Variants in SMAD5 observed in about 807,000 individuals in gnomAD.
The protein encoded by SMAD5 is MAD, mothers against decapentaplegic homolog 5.
SMAD5 carries 9 observed loss-of-function variants against 43.1 expected under a neutral mutation model. That is an observed-to-expected ratio of 0.21 (90% CI 0.13 to 0.36). SMAD5 has a LOEUF of 0.36. SMAD5 is among the 10% of genes least tolerant of loss of function. SMAD5 has a pLI of 1.00. For missense variants in SMAD5, 348 were observed against 574.0 expected, an observed-to-expected ratio of 0.61 and a Z score of 4.02; for synonymous variants, 190 against 192.4, an observed-to-expected ratio of 0.99 and a Z score of 0.10.
chr5:136,150,666 G>A (rs1753425362), intron 2 of SMAD5, among the ~76,000 whole-genome samples: 1 of 151,968 alleles, frequency 6.6e-6, no homozygotes, highest in South Asian at 2.1e-4. Flanking sequence ...GGGCAGAGGG[G>A]CAGGGATTTG....
chr5:136,170,908 A>G (rs1301463041), intron 5 of SMAD5, among the ~76,000 whole-genome samples: 1 of 152,118 alleles, frequency 6.6e-6, no homozygotes, highest in Non-Finnish European at 1.5e-5. Flanking sequence ...ACTTTTGCTT[A>G]TTAACCTTGT....
rs1160870465 is a variant in SMAD5 at position 136,177,588 on chromosome 5, A to AT, written c.*115dup. 2 of 783,384 alleles carry AT rather than the reference A, an allele frequency of 2.6e-6. No individual in the cohort carries two copies. The highest frequency in any genetic ancestry group is 2.7e-5 in the East Asian group (1 of 36,776). 48.5% of individuals were successfully genotyped at this position (783,384 alleles called of 1,614,324 possible). A position where few individuals can be genotyped will look rare whatever the true frequency, so the allele number is the denominator to read the frequency against. ...ACATTGAAAACAGATATTACAGCTT[A>AT]TTTTTTTCTACATAATTGTGACCAA... On this transcript the variant is annotated 3_prime_UTR_variant, in exon 8 of 8. Coordinates refer to ENST00000545279, the MANE Select transcript of SMAD5 (RefSeq NM_005903.7).
rs148511395 is a variant in SMAD5, at chr5:136,166,305, C to T, written c.775+2914C>T. Among the ~76,000 whole-genome samples, 32 of 151,912 alleles carry T rather than the reference C, an allele frequency of 2.1e-4. No homozygotes were observed. The East Asian group carries it at 4.8e-3, about 23-fold the overall frequency. On this transcript the variant is annotated intron_variant, in intron 5 of 7. Coordinates refer to ENST00000545279, the MANE Select transcript of SMAD5 (RefSeq NM_005903.7). The stretch of plus-strand genomic sequence containing the variant: ...TAGAAATATGTACTGCTATTTTATA[C>T]GTTTCTTAAAACAATGTGTTTTTAT...
chr5:136,173,884 A>G (rs1754312360), intron 6 of SMAD5, among the ~76,000 whole-genome samples: 1 of 151,886 alleles, frequency 6.6e-6, no homozygotes, highest in African/African-American at 2.4e-5. Flanking sequence ...AATTTTAAGT[A>G]AGATAAATCT....
chr5:136,144,916 A>G (rs867237795), intron 1 of SMAD5, among the ~76,000 whole-genome samples: 4 of 151,764 alleles, frequency 2.6e-5, no homozygotes, highest in East Asian at 1.9e-4. Flanking sequence ...TAGTTTATCA[A>G]GTTTCTCCAA....
intron 1 of SMAD5, among the ~76,000 whole-genome samples, chr5:136,135,699 T>C (rs1249125586): frequency 6.6e-6 from 1 of 152,254 alleles, no homozygotes; most frequent in Non-Finnish European, 1.5e-5. Context: ...GTGTTTATTA[T>C]TACCAGATGT....
chr5:136,163,496 A>C (rs947595740), intron 5 of SMAD5, 105 bp downstream of exon 5: 1 of 966,194 alleles, frequency 1.0e-6, no homozygotes, highest in South Asian at 2.7e-5. Context: ...ATATGCTATA[A>C]AATTTTTTTG....
In SMAD5 at chr5:136,181,122, G is replaced by C. The variant is rs554070974; in HGVS notation, c.*3642G>C. The C allele has an allele frequency of 6.6e-6, 1 of 152,168 alleles. No homozygotes were observed. Among genetic ancestry groups the C allele is most frequent in the African/African-American group, 2.4e-5 (1 of 41,552 alleles). The allele number at this position is 152,168 out of a possible 1,614,324, so 9.4% of individuals were successfully genotyped here. A position where few individuals can be genotyped will look rare whatever the true frequency, so the allele number is the denominator to read the frequency against. ...AGAGAACATCTGATGTACCAATTTA[G>C]ATCTATTTCTTTATACTTTTTCTAA... On this transcript the variant is annotated 3_prime_UTR_variant, in exon 8 of 8. Transcript: ENST00000545279.
intron 5 of SMAD5, among the ~76,000 whole-genome samples, chr5:136,168,884 G>A (rs575177664): frequency 6.6e-6 from 1 of 152,068 alleles, no homozygotes; most frequent in African/African-American, 2.4e-5. Flanking sequence ...TCTTTTTATG[G>A]CTTGATAGCT....
intron 3 of SMAD5, among the ~76,000 whole-genome samples, chr5:136,157,904 T>G (rs1329397547): frequency 6.6e-6 from 1 of 152,178 alleles, no homozygotes; most frequent in Non-Finnish European, 1.5e-5. Flanking sequence ...TTTCTGGATT[T>G]GAATCCTGGT....
rs769170658 is a variant in SMAD5, at chr5:136,160,926, G to C, written c.474G>C (p.Arg158Ser). 1 of 1,613,694 alleles carries C rather than the reference G, an allele frequency of 6.2e-7. No homozygotes were observed. The highest frequency in any genetic ancestry group is 8.5e-7 in the Non-Finnish European group (1 of 1,179,820). Residue 158 changes from arginine to serine, a missense_variant, in exon 4 of 8, where the codon AGG becomes AGC. Physicochemically the swap from Arg to Ser is moderately radical, Grantham distance 110. Around this residue, in one of 5 missense-constraint regions of SMAD5, gnomAD observed 185 missense variants for 207.0 expected, o/e 0.89. Coordinates refer to ENST00000545279, the MANE Select transcript of SMAD5 (RefSeq NM_005903.7). ...AACACAGCCTTCTGGTTCAGTTTAG[G>C]AACCTGAGCCACAATGAACCACACA... is the stretch of plus-strand genomic sequence containing the variant. ...NPQHSLLVQF[R>S]NLSHNEPHMP...
At chr5:136,171,973 T>G (rs1261120194) in intron 5 of SMAD5, among the ~76,000 whole-genome samples, 3 of 152,084 alleles carry the variant, frequency 2.0e-5, no homozygotes, top group Non-Finnish European at 4.4e-5. Context: ...AGTTCCCTTA[T>G]AAGAAGAGGA....
At chr5:136,157,347 C>A (rs1293801938) in intron 3 of SMAD5, among the ~76,000 whole-genome samples, 1 of 152,134 alleles carries the variant, frequency 6.6e-6, no homozygotes, top group Non-Finnish European at 1.5e-5. Context: ...GCACCCTAAG[C>A]TTTTTGGCAC....
chr5:136,173,246 C>T (rs761006146), intron 6 of SMAD5, among the ~76,000 whole-genome samples: 7 of 152,062 alleles, frequency 4.6e-5, no homozygotes, highest in South Asian at 4.2e-4. Flanking sequence ...CATAACAAAC[C>T]GGGCCCTTTT....
Position 136,160,841 on chromosome 5 carries a change from AT to A in SMAD5, c.404-10del. The A allele has an allele frequency of 6.2e-7, 1 of 1,611,822 alleles. No homozygotes were observed. The highest frequency in any genetic ancestry group is 8.5e-7 in the Non-Finnish European group (1 of 1,178,274). Reference sequence around the variant, plus strand: ...AGTCATTCCTGACAAATGACTTTTGATTTTTGTTTTTCAGTCTTACCTCCAG... The same window carrying A: ...AGTCATTCCTGACAAATGACTTTTGATTTTGTTTTTCAGTCTTACCTCCAG... On this transcript the variant is annotated splice_polypyrimidine_tract_variant and intron_variant, in intron 3 of 7. Coordinates refer to ENST00000545279, the MANE Select transcript of SMAD5 (RefSeq NM_005903.7).
Position 136,181,227 on chromosome 5 carries a change from A to G in SMAD5, c.*3747A>G, listed in dbSNP as rs1055572786. On this transcript the variant is annotated 3_prime_UTR_variant, in exon 8 of 8. Coordinates refer to ENST00000545279, the MANE Select transcript of SMAD5 (RefSeq NM_005903.7). ...AAATATCCTTTTTACTTCATGAGGA[A>G]GGAAGAATTTTTTGATAATTACTGA... 4 of 152,140 alleles carry G rather than the reference A, an allele frequency of 2.6e-5. No homozygotes were observed. Among genetic ancestry groups the G allele is most frequent in the Non-Finnish European group, 5.9e-5 (4 of 67,960 alleles). 9.4% of individuals were successfully genotyped at this position (152,140 alleles called of 1,614,324 possible).
intron 1 of SMAD5, among the ~76,000 whole-genome samples, chr5:136,143,291 GGT>G (rs140208945): frequency 1.3e-5 from 2 of 148,786 alleles, no homozygotes; most frequent in South Asian, 4.2e-4. Context: ...ATTTAATCAC[GGT>G]GTGTGTGTGT....
chr5:136,169,617 GT>G (rs1246413955), intron 5 of SMAD5, among the ~76,000 whole-genome samples: 1 of 152,172 alleles, frequency 6.6e-6, no homozygotes, highest in Non-Finnish European at 1.5e-5. Flanking sequence ...TGTGGATATA[GT>G]TTTCATCTCA....
At position 136,180,828 on chromosome 5, in the gene SMAD5, C is replaced by T. The variant is rs922262631; in HGVS notation, c.*3348C>T. The T allele has an allele frequency of 5.3e-5, 8 of 152,072 alleles. No homozygotes were observed. The highest frequency in any genetic ancestry group is 1.9e-4 in the African/African-American group (8 of 41,422). 9.4% of individuals were successfully genotyped at this position (152,072 alleles called of 1,614,324 possible). Reference sequence around the variant, plus strand: ...AGATAGAGGATGTAGCTATTTTATACCTTTCATAACATTTGAGAGTAAGAT... The same window carrying T: ...AGATAGAGGATGTAGCTATTTTATATCTTTCATAACATTTGAGAGTAAGAT... On this transcript the variant is annotated 3_prime_UTR_variant, in exon 8 of 8. Transcript: ENST00000545279.
Sources: gnomAD v4.1 joint callset for allele counts (sites outside exome capture counted in the v4.1 genomes callset) on GRCh38, gnomAD v4.1.1 for gene constraint, gnomAD v4.1.1 regional missense constraint, MANE v1.5 for transcripts, NCBI Gene and HGNC (gene_info 2026-07-23, HGNC 2026-07-21) for gene names.